The following CSMD1 variants were observed in gnomAD, a reference collection of about 807,000 sequenced individuals.
The protein encoded by CSMD1 is CUB and sushi domain-containing protein 1.
CSMD1 carries 213 observed loss-of-function variants against 417.5 expected under a neutral mutation model. That is an observed-to-expected ratio of 0.51 (90% CI 0.46 to 0.57). The LOEUF is 0.57. Among genes scored for constraint, CSMD1 ranks in the 20% least tolerant of loss-of-function variants. The pLI is 0.00. For missense variants in CSMD1, 6,923 were observed against 4,529.7 expected (o/e 1.53, Z -15.17); for synonymous variants, 2,862 against 1,736.8 (o/e 1.65, Z -16.11).
intron 5 of CSMD1, among the ~76,000 whole-genome samples, chr8:3,907,944 T>A (rs2627416): frequency 1.3e-5 from 2 of 151,688 alleles, no homozygotes; most frequent in Non-Finnish European, 2.9e-5. Context: ...TTGATTTTTT[T>A]GGGGGGTGTG....
chr8:3,972,863 G>T (rs574964596), intron 5 of CSMD1, among the ~76,000 whole-genome samples: 1 of 151,858 alleles, frequency 6.6e-6, no homozygotes, highest in African/African-American at 2.4e-5. Flanking sequence ...TTATAAAAGA[G>T]CAAACGGAAA....
intron 3 of CSMD1, among the ~76,000 whole-genome samples, chr8:4,402,236 T>C (rs1403815510): frequency 1.3e-5 from 2 of 152,132 alleles, no homozygotes; most frequent in East Asian, 1.9e-4. Flanking sequence ...TGGGGGCTCA[T>C]TCCCTCCAGG....
intron 1 of CSMD1, among the ~76,000 whole-genome samples, chr8:4,720,278 A>C (rs950739166): frequency 2.0e-5 from 3 of 152,136 alleles, no homozygotes; most frequent in African/African-American, 7.2e-5. Context: ...AAATTTTTCC[A>C]AATATCACAG....
intron 2 of CSMD1, among the ~76,000 whole-genome samples, chr8:4,602,424 G>C (rs890019073): frequency 1.3e-5 from 2 of 152,122 alleles, no homozygotes; most frequent in South Asian, 4.1e-4. Context: ...ACAGGAACAT[G>C]TTGTTGAAAT....
At chr8:4,755,641 G>A (rs754294339) in intron 1 of CSMD1, among the ~76,000 whole-genome samples, 1 of 152,122 alleles carries the variant, frequency 6.6e-6, no homozygotes, top group Non-Finnish European at 1.5e-5. Flanking sequence ...CCCAGAATCT[G>A]CCAAACACAT....
chr8:3,710,331 C>T lies in CSMD1; in HGVS notation c.932-1840G>A, dbSNP rs1467308789. On this transcript the variant is annotated intron_variant, in intron 6 of 69. Transcript: ENST00000635120. ...ACACTCAGGCACACACACATACCCACGACCAACTGGCTTTGTTTCTCTGGA... is the reference window on the plus strand; with the variant it reads ...ACACTCAGGCACACACACATACCCATGACCAACTGGCTTTGTTTCTCTGGA... 3.3e-5 allele frequency among the ~76,000 whole-genome samples: 5 copies of T among 152,136 alleles called. 1 individual carries two copies. Among genetic ancestry groups the T allele is most frequent in the South Asian group, 2.1e-4 (1 of 4,830 alleles).
chr8:4,331,837 C>G (rs905650965), intron 3 of CSMD1, among the ~76,000 whole-genome samples: 1 of 152,040 alleles, frequency 6.6e-6, no homozygotes, highest in Non-Finnish European at 1.5e-5. Context: ...TTACTGTTTC[C>G]TCATAGCACA....
chr8:3,151,509 G>C lies in CSMD1; in HGVS notation c.5919C>G (p.Thr1973=), dbSNP rs369415888. The C allele has an allele frequency of 3.2e-5, 51 of 1,609,384 alleles. No individual in the cohort carries two copies. The African/African-American group carries it at 5.5e-4, about 17-fold the overall frequency. The change falls in exon 40 of 70, where the codon ACC becomes ACG. Residue 1973 remains threonine, a synonymous_variant. Coordinates refer to ENST00000635120, the MANE Select transcript of CSMD1 (RefSeq NM_033225.6). Reference sequence around the variant, plus strand: ...CCAAGGTGCTCAGCGTCCCTCCACAGGTTGCTGTTAAGTGGACAAGATGTC... The same window carrying C: ...CCAAGGTGCTCAGCGTCCCTCCACACGTTGCTGTTAAGTGGACAAGATGTC... ...WNYPSPLCIA[T]CGGTLSTLGG...
intron 2 of CSMD1, among the ~76,000 whole-genome samples, chr8:4,636,779 A>T (rs1802836277): frequency 6.6e-6 from 1 of 152,180 alleles, no homozygotes; most frequent in East Asian, 1.9e-4. Context: ...CTGTATAGTA[A>T]CTGTATTTTT....
At chr8:4,006,165 C>G (rs910249141) in intron 4 of CSMD1, among the ~76,000 whole-genome samples, 5 of 152,124 alleles carry the variant, frequency 3.3e-5, no homozygotes, top group Non-Finnish European at 7.3e-5. Context: ...TGCAAATTCC[C>G]CATGACATTT....
intron 2 of CSMD1, among the ~76,000 whole-genome samples, chr8:4,554,535 G>T (rs986726377): frequency 6.6e-6 from 1 of 152,152 alleles, no homozygotes; most frequent in African/African-American, 2.4e-5. Flanking sequence ...AATTACTGGA[G>T]TGATAATAGT....
At chr8:3,199,168 A>G (rs1486483428) in intron 33 of CSMD1, among the ~76,000 whole-genome samples, 1 of 152,222 alleles carries the variant, frequency 6.6e-6, no homozygotes, top group Non-Finnish European at 1.5e-5. Flanking sequence ...AAATTAAAAG[A>G]TAAGTATAAA....
At chr8:3,754,150 G>T in intron 5 of CSMD1, 108 bp from the exon 6 acceptor site, 1 of 629,318 alleles carries the variant, frequency 1.6e-6, no homozygotes. Context: ...ATCTTGAGAT[G>T]CTTAAAACAG....
chr8:3,579,279 T>C (rs920592265), intron 9 of CSMD1, among the ~76,000 whole-genome samples: 2 of 152,218 alleles, frequency 1.3e-5, no homozygotes, highest in African/African-American at 4.8e-5. Flanking sequence ...TTTATCCACT[T>C]AATCAATGAA....
At chr8:4,346,698 C>T (rs1325061987) in intron 3 of CSMD1, among the ~76,000 whole-genome samples, 2 of 151,988 alleles carry the variant, frequency 1.3e-5, no homozygotes, top group Non-Finnish European at 2.9e-5. Flanking sequence ...GAGTGCTAGT[C>T]AGAAATGTCG....
intron 3 of CSMD1, among the ~76,000 whole-genome samples, chr8:4,051,374 T>C (rs948402959): frequency 6.6e-6 from 1 of 151,288 alleles, no homozygotes; most frequent in African/African-American, 2.4e-5. Context: ...GTTGGCATGA[T>C]CCCGGAGGGC....
Position 3,428,760 on chromosome 8 carries a change from T to C in CSMD1, c.1562-19155A>G, listed in dbSNP as rs534825448. 7.8e-4 allele frequency among the ~76,000 whole-genome samples: 119 copies of C among 152,290 alleles called. 2 individuals are homozygous for C. The South Asian group carries it at 0.011, about 14-fold the overall frequency. ...GGAAGAGATAGCTGCACTCCCCTGT[T>C]CACTGCAGAATCATTCACAATAGCC... On this transcript the variant is annotated intron_variant, in intron 12 of 69. Coordinates refer to ENST00000635120, the MANE Select transcript of CSMD1 (RefSeq NM_033225.6).
intron 4 of CSMD1, among the ~76,000 whole-genome samples, chr8:4,026,289 T>A (rs952826025): frequency 2.0e-5 from 3 of 152,200 alleles, no homozygotes; most frequent in Non-Finnish European, 4.4e-5. Context: ...GAAGTCATAC[T>A]ACACCAGACA....
chr8:4,350,928 C>A (rs182337359), intron 3 of CSMD1, among the ~76,000 whole-genome samples: 201 of 152,266 alleles, frequency 1.3e-3, no homozygotes, highest in Non-Finnish European at 2.4e-3. Context: ...GGACCGCCTT[C>A]CTTGACACAT....
Sources: gnomAD v4.1 joint callset for allele counts (sites outside exome capture counted in the v4.1 genomes callset) on GRCh38, gnomAD v4.1.1 for gene constraint, MANE v1.5 for transcripts, NCBI Gene and HGNC (gene_info 2026-07-23, HGNC 2026-07-21) for gene names.